The following DHX8 variants were observed in gnomAD, a reference collection of about 807,000 sequenced individuals.
DHX8 encodes DEAH-box helicase 8, also known as ATP-dependent RNA helicase DHX8.
A neutral mutation model predicts 140.7 loss-of-function variants in DHX8; 67 were observed. That is an observed-to-expected ratio of 0.48 (90% CI 0.39 to 0.58). The LOEUF is 0.58. Ranked by LOEUF, DHX8 falls within the 20% of genes least tolerant of loss-of-function variation. DHX8 has a pLI of 0.00. For missense variants in DHX8, 887 were observed against 1,550.7 expected (o/e 0.57, Z 7.19); for synonymous variants, 533 against 553.2 (o/e 0.96, Z 0.51).
At chr17:43,539,128 C>A (rs1598212031) in intron 3 of DHX8, among the ~76,000 whole-genome samples, 2 of 152,166 alleles carry the variant, frequency 1.3e-5, no homozygotes, top group Admixed American at 6.5e-5. Context: ...AAAATCATTT[C>A]TCTCTGTTAT....
intron 10 of DHX8, 113 bp from the exon 11 acceptor site, chr17:43,499,843 T>G: frequency 8.5e-7 from 1 of 1,181,748 alleles, no homozygotes; most frequent in Non-Finnish European, 1.2e-6. Flanking sequence ...TCTGTTACAT[T>G]GATAAGAACT....
At chr17:43,492,545 T>C in intron 5 of DHX8, 136 bp from the exon 6 acceptor site, 1 of 642,976 alleles carries the variant, frequency 1.6e-6, no homozygotes, top group South Asian at 2.0e-5. Context: ...AGGGATGTCG[T>C]AGTTATTGAA....
intron 19 of DHX8, 146 bp from the exon 20 acceptor site, chr17:43,520,605 T>G: frequency 1.1e-6 from 1 of 924,698 alleles, no homozygotes. Context: ...AACAACAGCA[T>G]TCTTCTGATA....
chr17:43,529,845 T>G, downstream of DHX8: 1 of 1,611,044 alleles, frequency 6.2e-7, no homozygotes, highest in African/African-American at 1.3e-5. Flanking sequence ...CACAGCGTGA[T>G]AAGACCTTGA....
chr17:43,528,375 T>G, downstream of DHX8: 1 of 583,972 alleles, frequency 1.7e-6, no homozygotes, highest in Non-Finnish European at 3.0e-6. Context: ...CAGCTCAGAG[T>G]CTGGGCTAGG....
At position 43,521,397 on chromosome 17, in the gene DHX8, A is replaced by G; in HGVS notation, c.3095A>G (p.Lys1032Arg). Residue 1032 changes from lysine (K) to arginine (R), a missense_variant, in exon 21 of 23, where the codon AAG (lysine) becomes AGG (arginine). Around this residue, in one of 9 missense-constraint regions of DHX8, gnomAD observed 151 missense variants for 388.3 expected, o/e 0.39. Transcript: ENST00000262415. ...AAACAAGCCCTTGCAGATCAGAAGA[A>G]GGCCAAATTCCACCAGACTGAAGGG... ...KDKQALADQK[K>R]AKFHQTEGDH... 1 of 1,613,660 alleles carries G rather than the reference A, an allele frequency of 6.2e-7. No homozygotes were observed.
Position 43,524,963 on chromosome 17 carries a change from T to G in DHX8, c.*1116T>G. The G allele has an allele frequency of 1.0e-6, 1 of 985,296 alleles. No homozygotes were observed. The highest frequency in any genetic ancestry group is 1.2e-6 in the Non-Finnish European group (1 of 829,914). The allele number at this position is 985,296 out of a possible 1,614,324, so 61.0% of individuals were successfully genotyped here. ...TCACAGCTCCTGAGGAGGGTTTTTT[T>G]TTTTTCTTCCCATAGAGATGGGTTC... is the stretch of plus-strand genomic sequence containing the variant. On this transcript the variant is annotated 3_prime_UTR_variant, in exon 23 of 23. Coordinates refer to ENST00000262415, the MANE Select transcript of DHX8 (RefSeq NM_004941.3).
At chr17:43,495,149 C>T (rs140070753) in intron 8 of DHX8, among the ~76,000 whole-genome samples, 261 of 152,148 alleles carry the variant, frequency 1.7e-3, no homozygotes, top group African/African-American at 6.0e-3. Flanking sequence ...ATAACATAAC[C>T]GTGGTGTGTC....
downstream of DHX8, chr17:43,528,688 G>A: frequency 1.2e-6 from 2 of 1,614,192 alleles, no homozygotes; most frequent in Non-Finnish European, 1.7e-6. Flanking sequence ...GAAGGCCAAA[G>A]AGAAGAGGGC....
chr17:43,483,995 G>A lies in DHX8; in HGVS notation c.-43G>A, dbSNP rs1967955156. ...GCTGGAACCCGGCCGGAGTAGCTCT[G>A]AGCGCCGGCTGTGAGGAAGGAGGTT... is the stretch of plus-strand genomic sequence containing the variant. On this transcript the variant is annotated 5_prime_UTR_variant, in exon 1 of 23. Coordinates refer to ENST00000262415, the MANE Select transcript of DHX8 (RefSeq NM_004941.3). The A allele has an allele frequency of 1.9e-6, 3 of 1,611,274 alleles. No homozygotes were observed. The highest frequency in any genetic ancestry group is 1.7e-5 in the Admixed American group (1 of 59,642).
chr17:43,529,739 C>T, downstream of DHX8: 1 of 1,590,492 alleles, frequency 6.3e-7, no homozygotes, highest in Non-Finnish European at 8.6e-7. Flanking sequence ...GCAACCGCCT[C>T]CCACCCGAGG....
At chr17:43,511,713 C>T (rs1969850049) in intron 16 of DHX8, among the ~76,000 whole-genome samples, 2 of 151,208 alleles carry the variant, frequency 1.3e-5, no homozygotes, top group Non-Finnish European at 2.9e-5. Flanking sequence ...CCGCCTCAGC[C>T]TCCCAAAGTG....
At position 43,493,769 on chromosome 17, in the gene DHX8, G is replaced by T; in HGVS notation, c.1095G>T (p.Arg365=). Residue 365 remains arginine (R), a synonymous_variant, in exon 8 of 23, where the codon CGG becomes CGT. Transcript: ENST00000262415. ...AGACCAATGAGGAGACCTCAATGCGGAATCCTGATAGACCCACTCACTTGT... is the reference window on the plus strand; with the variant it reads ...AGACCAATGAGGAGACCTCAATGCGTAATCCTGATAGACCCACTCACTTGT... ...VGETNEETSM[R]NPDRPTHLSL... 1 of 1,614,214 alleles carries T rather than the reference G, an allele frequency of 6.2e-7. No individual in the cohort carries two copies. Among genetic ancestry groups the T allele is most frequent in the Non-Finnish European group, 8.5e-7 (1 of 1,180,036 alleles).
intron 1 of DHX8, among the ~76,000 whole-genome samples, chr17:43,486,606 C>T (rs1473411903): frequency 1.3e-5 from 2 of 152,074 alleles, no homozygotes; most frequent in African/African-American, 2.4e-5. Context: ...TGGGACCAGG[C>T]GCAGTGGCTC....
intron 2 of DHX8, chr17:43,532,849 C>G (rs1286472520): frequency 6.2e-7 from 1 of 1,613,526 alleles, no homozygotes; most frequent in Non-Finnish European, 8.5e-7. Context: ...GCTCCGACAG[C>G]TGGTGTTGGT....
chr17:43,517,379 A>C lies in DHX8; in HGVS notation c.2799+57A>C, dbSNP rs1970165719. The stretch of plus-strand genomic sequence containing the variant: ...GTGGAACAGTCCAATCCTGGCCTTC[A>C]TAAATGAATTTCAGTTTTATGAACC... On this transcript the variant is annotated intron_variant, in intron 18 of 22. Coordinates refer to ENST00000262415, the MANE Select transcript of DHX8 (RefSeq NM_004941.3). The C allele has an allele frequency of 3.2e-6, 5 of 1,552,970 alleles. No homozygotes were observed. In the South Asian group the frequency reaches 4.8e-5, roughly 15 times the overall value.
At chr17:43,484,656 T>C (rs942771083) in intron 1 of DHX8, among the ~76,000 whole-genome samples, 1 of 152,206 alleles carries the variant, frequency 6.6e-6, no homozygotes, top group Non-Finnish European at 1.5e-5. Context: ...CTGTACTCTT[T>C]TTTGAGGCAG....
At chr17:43,525,872 C>T (rs1970594839), downstream of DHX8, 1 of 985,108 alleles carries the variant, frequency 1.0e-6, no homozygotes. Context: ...AATGTTGACA[C>T]CTGGGGAGGG....
chr17:43,505,502 G>T (rs528794656), intron 12 of DHX8, among the ~76,000 whole-genome samples: 4 of 152,040 alleles, frequency 2.6e-5, no homozygotes, highest in Non-Finnish European at 5.9e-5. Flanking sequence ...CTGAGAGGTC[G>T]CGGCTACAGT....
Sources: allele counts gnomAD v4.1 joint callset (sites outside exome capture counted in the v4.1 genomes callset), GRCh38; gene constraint gnomAD v4.1.1; regional missense constraint gnomAD v4.1.1; transcripts MANE v1.5; gene names NCBI Gene and HGNC (gene_info 2026-07-23, HGNC 2026-07-21).